LMO3: variants seen among roughly 807,000 people sequenced by gnomAD.
LMO3 encodes LIM domain only 3, also known as LIM domain only protein 3.
LMO3 carries 2 observed loss-of-function variants against 15.8 expected under a neutral mutation model. The observed-to-expected ratio is 0.13, with a 90% CI of 0.05 to 0.40. LMO3 has a LOEUF of 0.40. Ranked by LOEUF, LMO3 falls within the 10% of genes least tolerant of loss-of-function variation. The pLI is 0.99. For missense variants in LMO3, 86 were observed against 182.2 expected (o/e 0.47, Z 3.04); for synonymous variants, 62 against 63.8 (o/e 0.97, Z 0.13).
chr12:16,560,574 C>G lies in LMO3; in HGVS notation c.207-36G>C, dbSNP rs1424988392. 5 of 1,580,966 alleles carry G rather than the reference C, an allele frequency of 3.2e-6. No individual in the cohort carries two copies. Among genetic ancestry groups the G allele is most frequent in the Non-Finnish European group, 4.3e-6 (5 of 1,157,462 alleles). ...AAACATTTTTTTTTTTTTACAAACT[C>G]TTACAGAGAAATCTGAGATCGTGAA... On this transcript the variant is annotated intron_variant, in intron 2 of 3. Transcript: ENST00000537304. This position sits in a 1 kb window ranked among gnomAD's most constrained non-coding sequence, Gnocchi z 5.0.
At chr12:16,556,532 G>GCTGAATACAATT (rs1373375461) in intron 3 of LMO3, among the ~76,000 whole-genome samples, 2 of 152,176 alleles carry the variant, frequency 1.3e-5, no homozygotes, top group Non-Finnish European at 2.9e-5. Context: ...TGAAATGACT[G>GCTGAATACAATT]CTGAATACAA....
rs566588159 is a variant in LMO3, at chr12:16,603,972, G to A, written c.-9+2094C>T. Among the ~76,000 whole-genome samples, 2 of 152,304 alleles carry A rather than the reference G, an allele frequency of 1.3e-5. No homozygotes were observed. Among genetic ancestry groups the A allele is most frequent in the South Asian group, 4.1e-4 (2 of 4,822 alleles). On this transcript the variant is annotated intron_variant, in intron 1 of 3. Coordinates refer to ENST00000537304, the MANE Select transcript of LMO3 (RefSeq NM_018640.5). The surrounding 1 kb of genome is among the most constrained non-coding windows in gnomAD (Gnocchi z 4.9). ...AGAGAACAATTTGGGAGAGGGAAGA[G>A]GAAGAGGGAATACATAAAGGGGGTT...
At chr12:16,581,818 TATTA>T (rs1431729976) in intron 2 of LMO3, among the ~76,000 whole-genome samples, 11 of 152,142 alleles carry the variant, frequency 7.2e-5, no homozygotes, top group African/African-American at 2.4e-4. Context: ...TACTACTCTT[TATTA>T]ATTTCTTTTA....
chr12:16,605,435 T>TTCCCCCCCCCCCCCCCC, intron 1 of LMO3: 1 of 382,354 alleles, frequency 2.6e-6, no homozygotes, highest in South Asian at 1.2e-4. Flanking sequence ...CCTACCCGCC[T>TTCCCCCCCCCCCCCCCC]GCCCCCCCCC....
chr12:16,600,442 A>T, intron 2 of LMO3: 1 of 547,816 alleles, frequency 1.8e-6, no homozygotes, highest in Admixed American at 3.3e-5. Flanking sequence ...AGGCAAGCCA[A>T]ATTGAAATAC....
intron 3 of LMO3, among the ~76,000 whole-genome samples, chr12:16,558,631 G>A (rs997642636): frequency 6.6e-6 from 1 of 152,056 alleles, no homozygotes; most frequent in Non-Finnish European, 1.5e-5. Flanking sequence ...TTGATTCTCA[G>A]TACTTGCTGG....
chr12:16,565,980 T>C (rs1490135184), intron 2 of LMO3, among the ~76,000 whole-genome samples: 1 of 73,148 alleles, frequency 1.4e-5, no homozygotes, highest in Non-Finnish European at 2.5e-5. Context: ...GAAGAAAATG[T>C]GCCATATATA....
At chr12:16,574,512 GTCTT>G (rs1942931942) in intron 2 of LMO3, among the ~76,000 whole-genome samples, 1 of 152,084 alleles carries the variant, frequency 6.6e-6, no homozygotes, top group African/African-American at 2.4e-5. Flanking sequence ...TTTTCTTATA[GTCTT>G]TCTGACAGGT....
Position 16,586,407 on chromosome 12 carries a change from C to T in LMO3, c.206+14248G>A, listed in dbSNP as rs1293142580. On this transcript the variant is annotated intron_variant, in intron 2 of 3. Transcript: ENST00000537304. The surrounding 1 kb of genome is among the most constrained non-coding windows in gnomAD (Gnocchi z 4.3). ...GAGAGCGGAGGATCCTAATCTTCCC[C>T]AGCAAGGCTTTCTGGTTCTCCTCCA... 6.6e-6 allele frequency among the ~76,000 whole-genome samples: 1 copy of T among 152,158 alleles called. No homozygotes were observed. The highest frequency in any genetic ancestry group is 1.5e-5 in the Non-Finnish European group (1 of 68,034).
rs564716459 is a variant in LMO3, at chr12:16,593,513, C to T, written c.206+7142G>A. Among the ~76,000 whole-genome samples the T allele has an allele frequency of 3.3e-5, 5 of 151,638 alleles. No individual in the cohort carries two copies. The highest frequency in any genetic ancestry group is 4.4e-5 in the Non-Finnish European group (3 of 67,774). ...ACTAACATGATAGCGCAAAGGAATT[C>T]GGCGAAAAGAGAATCATTACATAAC... On this transcript the variant is annotated intron_variant, in intron 2 of 3. Transcript: ENST00000537304. This position sits in a 1 kb window ranked among gnomAD's most constrained non-coding sequence, Gnocchi z 4.2.
At position 16,597,409 on chromosome 12, in the gene LMO3, T is replaced by C. The variant is rs542125139; in HGVS notation, c.206+3246A>G. Among the ~76,000 whole-genome samples the C allele has an allele frequency of 3.9e-4, 59 of 151,924 alleles. No individual in the cohort carries two copies. The highest frequency in any genetic ancestry group is 1.4e-3 in the African/African-American group (59 of 41,544). Reference sequence around the variant, plus strand: ...CTCAAATCATCATTCAAAGAACTTATAAATCACATCATCATTATCACTACT... The same window carrying C: ...CTCAAATCATCATTCAAAGAACTTACAAATCACATCATCATTATCACTACT... On this transcript the variant is annotated intron_variant, in intron 2 of 3. Coordinates refer to ENST00000537304, the MANE Select transcript of LMO3 (RefSeq NM_018640.5). The surrounding 1 kb of genome is among the most constrained non-coding windows in gnomAD (Gnocchi z 5.0).
rs910207221 is a variant in LMO3, at chr12:16,550,520, T to C, written c.*702A>G. ...CTAAAAATGGCACTTTTCACGTTGG[T>C]ATAAAATGAAAGTGCTTTAAGATGA... On this transcript the variant is annotated 3_prime_UTR_variant, in exon 4 of 4. Coordinates refer to ENST00000537304, the MANE Select transcript of LMO3 (RefSeq NM_018640.5). The C allele has an allele frequency of 6.6e-6, 1 of 152,470 alleles. No homozygotes were observed. The highest frequency in any genetic ancestry group is 2.4e-5 in the African/African-American group (1 of 41,442). The allele number at this position is 152,470 out of a possible 1,614,324, so 9.4% of individuals were successfully genotyped here.
intron 1 of LMO3, chr12:16,602,436 G>A (rs575145403): frequency 6.6e-6 from 1 of 152,356 alleles, no homozygotes; most frequent in Admixed American, 6.5e-5. Flanking sequence ...TTAGGATGTT[G>A]AACTTTCATT....
At chr12:16,567,505 G>GGACTT (rs1942659266) in intron 2 of LMO3, 1 of 152,400 alleles carries the variant, frequency 6.6e-6, no homozygotes, top group African/African-American at 2.4e-5. Flanking sequence ...AGCTGAAGCA[G>GGACTT]GACTTGAATG....
At chr12:16,578,208 C>T (rs571486781) in intron 2 of LMO3, among the ~76,000 whole-genome samples, 1 of 152,260 alleles carries the variant, frequency 6.6e-6, no homozygotes, top group South Asian at 2.1e-4. Flanking sequence ...AGTGACAGTA[C>T]TGCAATTTTC....
At chr12:16,594,451 CTT>C in intron 2 of LMO3, 1 of 448,376 alleles carries the variant, frequency 2.2e-6, no homozygotes. Context: ...TTTTTATTCC[CTT>C]TGTTTTCCAG....
intron 3 of LMO3, among the ~76,000 whole-genome samples, chr12:16,556,357 C>T (rs1006860071): frequency 2.6e-5 from 4 of 151,962 alleles, no homozygotes; most frequent in African/African-American, 7.3e-5. Context: ...AGAAACTAGC[C>T]GAATTTTAAT....
At chr12:16,552,414 A>G (rs2137254221) in intron 3 of LMO3, among the ~76,000 whole-genome samples, 1 of 152,170 alleles carries the variant, frequency 6.6e-6, no homozygotes, top group South Asian at 2.1e-4. Context: ...TAAATTGTGT[A>G]GTGAAAGCCA....
In LMO3 at chr12:16,585,232, TGGCAAGATAA is replaced by T. The variant is rs1300160366; in HGVS notation, c.206+15413_206+15422del. 6.6e-6 allele frequency among the ~76,000 whole-genome samples: 1 copy of T among 152,166 alleles called. No homozygotes were observed. Among genetic ancestry groups the T allele is most frequent in the Non-Finnish European group, 1.5e-5 (1 of 68,036 alleles). On this transcript the variant is annotated intron_variant, in intron 2 of 3. Coordinates refer to ENST00000537304, the MANE Select transcript of LMO3 (RefSeq NM_018640.5). This position sits in a 1 kb window ranked among gnomAD's most constrained non-coding sequence, Gnocchi z 4.7. ...AGTTTGTAATTCCCGTCTTAGCCCT[TGGCAAGATAA>T]ATAATTCAGCCTATTTTATTTACAT...
Sources: allele counts gnomAD v4.1 joint callset (sites outside exome capture counted in the v4.1 genomes callset), GRCh38; gene constraint gnomAD v4.1.1; non-coding constraint Gnocchi (gnomAD v3.1); transcripts MANE v1.5; gene names NCBI Gene and HGNC (gene_info 2026-07-23, HGNC 2026-07-21).